The following TOX3 variants were observed in gnomAD, a reference collection of about 807,000 sequenced individuals.
TOX3 encodes the protein CAG trinucleotide repeat-containing gene F9 protein.
A neutral mutation model predicts 64.3 loss-of-function variants in TOX3; 22 were observed. The ratio of observed to expected loss-of-function variants is 0.34; its 90% confidence interval spans 0.24 to 0.49. The LOEUF is 0.49. Among genes scored for constraint, TOX3 ranks in the 20% least tolerant of loss-of-function variants. The pLI, the probability that TOX3 is intolerant of heterozygous loss-of-function variation, is 0.99. For missense variants in TOX3, 661 were observed against 714.4 expected (o/e 0.93, Z 0.85); for synonymous variants, 291 against 273.6 (o/e 1.06, Z -0.63).
At chr16:52,542,164 G>A (rs1010107076) in intron 1 of TOX3, among the ~76,000 whole-genome samples, 5 of 152,156 alleles carry the variant, frequency 3.3e-5, no homozygotes, top group Non-Finnish European at 7.3e-5. Context: ...AAGGCCCTGG[G>A]TACCAACCTG....
intron 2 of TOX3, among the ~76,000 whole-genome samples, chr16:52,464,591 A>G (rs1037166041): frequency 6.6e-6 from 1 of 152,234 alleles, no homozygotes; most frequent in Non-Finnish European, 1.5e-5. Flanking sequence ...ACACACACAC[A>G]TATTAATCCA....
At chr16:52,491,702 A>G (rs1179925242) in intron 1 of TOX3, among the ~76,000 whole-genome samples, 1 of 152,130 alleles carries the variant, frequency 6.6e-6, no homozygotes, top group Non-Finnish European at 1.5e-5. Flanking sequence ...TATTGGATAC[A>G]CTATGTGGAA....
At chr16:52,542,191 G>T (rs2151491696) in intron 1 of TOX3, among the ~76,000 whole-genome samples, 1 of 152,220 alleles carries the variant, frequency 6.6e-6, no homozygotes, top group Non-Finnish European at 1.5e-5. Context: ...ACCATTCTGT[G>T]GTAAGTCTGG....
At chr16:52,507,998 G>T (rs543188886) in intron 1 of TOX3, among the ~76,000 whole-genome samples, 72 of 152,296 alleles carry the variant, frequency 4.7e-4, no homozygotes, top group Non-Finnish European at 8.4e-4. Flanking sequence ...TGAGCTTGAG[G>T]TTTCTTACTG....
At chr16:52,490,626 A>ATTTTTTTTTTTTT (rs3086679) in intron 1 of TOX3, among the ~76,000 whole-genome samples, 2,356 of 98,804 alleles carry the variant, frequency 0.024, 231 homozygotes, top group East Asian at 0.061. Flanking sequence ...CTAGGATGTA[A>ATTTTTTTTTTTTT]TTTTTTTTTT....
chr16:52,470,115 G>A (rs1346725425), intron 1 of TOX3, among the ~76,000 whole-genome samples: 1 of 152,172 alleles, frequency 6.6e-6, no homozygotes, highest in Non-Finnish European at 1.5e-5. Flanking sequence ...GGCTGCACAT[G>A]GGCACACACA....
intron 1 of TOX3, among the ~76,000 whole-genome samples, chr16:52,510,748 G>A (rs1220282592): frequency 9.7e-5 from 11 of 113,698 alleles, no homozygotes; most frequent in African/African-American, 3.9e-4. Context: ...AGACAGAGAA[G>A]GACCCTGTCT....
chr16:52,504,587 G>T (rs1962107839), intron 1 of TOX3, among the ~76,000 whole-genome samples: 1 of 152,030 alleles, frequency 6.6e-6, no homozygotes, highest in South Asian at 2.1e-4. Context: ...CCACCCTCCA[G>T]CTCACGTGAC....
rs529662910 is a variant in TOX3, at chr16:52,486,581, T to C, written c.88-18007A>G. The stretch of plus-strand genomic sequence containing the variant: ...CTCAACTCCAGTTTTGGTGGGAGAA[T>C]GGAAAAGTGGCTGAGAGTAAGAGGG... On this transcript the variant is annotated intron_variant, in intron 1 of 6. Coordinates refer to ENST00000219746, the MANE Select transcript of TOX3 (RefSeq NM_001080430.4). 1.8e-4 allele frequency among the ~76,000 whole-genome samples: 27 copies of C among 152,140 alleles called. 1 individual carries two copies. In the South Asian group the frequency reaches 4.6e-3, roughly 26 times the overall value.
intron 4 of TOX3, among the ~76,000 whole-genome samples, chr16:52,449,111 G>A (rs534414889): frequency 2.0e-5 from 3 of 152,302 alleles, no homozygotes; most frequent in Admixed American, 2.0e-4. Context: ...TAACAAAAGA[G>A]TCTTCTAATT....
At chr16:52,531,106 A>C (rs778509009) in intron 1 of TOX3, among the ~76,000 whole-genome samples, 6 of 152,260 alleles carry the variant, frequency 3.9e-5, no homozygotes, top group Non-Finnish European at 7.3e-5. Context: ...ATCGTTAGCC[A>C]AAGCCAGGAT....
At position 52,480,571 on chromosome 16, in the gene TOX3, T is replaced by G. The variant is rs181909249; in HGVS notation, c.88-11997A>C. Among the ~76,000 whole-genome samples, 263 of 152,334 alleles carry G rather than the reference T, an allele frequency of 1.7e-3. 1 individual carries two copies. Among genetic ancestry groups the G allele is most frequent in the African/African-American group, 6.0e-3 (250 of 41,576 alleles). ...AATTAAATAAAATGTTCCTCAGTAT[T>G]TTTAAATGAAAACCTTTTAACGAAT... On this transcript the variant is annotated intron_variant, in intron 1 of 6. Transcript: ENST00000219746.
Position 52,440,998 on chromosome 16 carries a change from G to A in TOX3, c.988-1030C>T, listed in dbSNP as rs144208099. Among the ~76,000 whole-genome samples, 1,267 of 151,892 alleles carry A rather than the reference G, an allele frequency of 8.3e-3. 15 individuals carry two copies. The highest frequency in any genetic ancestry group is 0.028 in the African/African-American group (1,169 of 41,404). On this transcript the variant is annotated intron_variant, in intron 6 of 6. Transcript: ENST00000219746. ...AGGATGGTCTTGATCTCCTGACCTC[G>A]TGATCTGCCCACCTCGGCCTCCCAA... is the stretch of plus-strand genomic sequence containing the variant.
At chr16:52,501,626 C>T (rs1962003500) in intron 1 of TOX3, among the ~76,000 whole-genome samples, 1 of 151,696 alleles carries the variant, frequency 6.6e-6, no homozygotes, top group South Asian at 2.1e-4. Flanking sequence ...CGCCACTGCA[C>T]TCCAGCCTGG....
intron 3 of TOX3, among the ~76,000 whole-genome samples, chr16:52,458,288 T>C (rs1364489150): frequency 6.6e-6 from 1 of 152,178 alleles, no homozygotes; most frequent in Non-Finnish European, 1.5e-5. Context: ...GCACTTGCCT[T>C]CCTGGAGCTT....
At chr16:52,543,970 T>C (rs1963125791) in intron 1 of TOX3, among the ~76,000 whole-genome samples, 1 of 152,226 alleles carries the variant, frequency 6.6e-6, no homozygotes, top group African/African-American at 2.4e-5. Context: ...AATTTAAAGA[T>C]AAGCGCTAAC....
chr16:52,503,121 C>T (rs921169330), intron 1 of TOX3, among the ~76,000 whole-genome samples: 1 of 152,160 alleles, frequency 6.6e-6, no homozygotes, highest in African/African-American at 2.4e-5. Flanking sequence ...TTATTAGTAT[C>T]TACCTTTTTT....
intron 3 of TOX3, among the ~76,000 whole-genome samples, 176 bp downstream of exon 3, chr16:52,463,758 A>T (rs1016967644): frequency 1.1e-4 from 17 of 152,216 alleles, no homozygotes; most frequent in Admixed American, 5.2e-4. Context: ...ACTGTCAACC[A>T]ACCCAATACC....
intron 1 of TOX3, among the ~76,000 whole-genome samples, chr16:52,496,744 C>A (rs1021508647): frequency 1.3e-5 from 2 of 152,094 alleles, no homozygotes; most frequent in African/African-American, 4.8e-5. Flanking sequence ...TGATTTTAAT[C>A]TTTTAAATAA....
Sources: allele counts gnomAD v4.1 joint callset (sites outside exome capture counted in the v4.1 genomes callset), GRCh38; gene constraint gnomAD v4.1.1; transcripts MANE v1.5; gene names NCBI Gene and HGNC (gene_info 2026-07-23, HGNC 2026-07-21).